LRRC4C: variants seen among roughly 807,000 people sequenced by gnomAD.
LRRC4C encodes the protein leucine rich repeat containing 4C, also known as leucine-rich repeat-containing protein 4C.
A neutral mutation model predicts 33.6 loss-of-function variants in LRRC4C; 5 were observed. The ratio of observed to expected loss-of-function variants is 0.15; its 90% CI spans 0.08 to 0.31. The LOEUF is 0.31. Ranked by LOEUF, LRRC4C falls within the 10% of genes least tolerant of loss-of-function variation. LRRC4C has a pLI of 1.00. For missense variants in LRRC4C, 560 were observed against 796.7 expected, an observed-to-expected ratio of 0.70 and a Z score of 3.58; for synonymous variants, 329 against 302.0, an observed-to-expected ratio of 1.09 and a Z score of -0.93.
chr11:40,877,288 A>C (rs987000026), intron 2 of LRRC4C, among the ~76,000 whole-genome samples: 1 of 152,152 alleles, frequency 6.6e-6, no homozygotes, highest in Non-Finnish European at 1.5e-5. Flanking sequence ...TGACCAATTC[A>C]GTTTTCCCGA....
At chr11:41,275,323 T>C (rs775217977) in intron 1 of LRRC4C, among the ~76,000 whole-genome samples, 1 of 152,192 alleles carries the variant, frequency 6.6e-6, no homozygotes, top group African/African-American at 2.4e-5. Flanking sequence ...ACGAAGATGA[T>C]GCCCAGATTT....
chr11:41,078,690 T>G (rs932540328), intron 1 of LRRC4C, among the ~76,000 whole-genome samples: 2 of 152,232 alleles, frequency 1.3e-5, no homozygotes, highest in African/African-American at 4.8e-5. Flanking sequence ...GCACCTCTTC[T>G]GACACATGGG....
chr11:41,246,452 TGA>T (rs1415531186), intron 1 of LRRC4C, among the ~76,000 whole-genome samples: 1 of 152,282 alleles, frequency 6.6e-6, no homozygotes, highest in East Asian at 1.9e-4. Flanking sequence ...CCTTGGCCCC[TGA>T]GAGTGCAGAG....
At chr11:40,287,782 G>A (rs796763963) in intron 4 of LRRC4C, among the ~76,000 whole-genome samples, 1 of 152,154 alleles carries the variant, frequency 6.6e-6, no homozygotes, top group African/African-American at 2.4e-5. Flanking sequence ...AATTCACAAA[G>A]TATATTTCAA....
intron 1 of LRRC4C, among the ~76,000 whole-genome samples, chr11:41,041,923 T>C (rs1311607643): frequency 6.6e-6 from 1 of 152,184 alleles, no homozygotes; most frequent in Non-Finnish European, 1.5e-5. Context: ...TTTGTGGATC[T>C]GATTTGTTGG....
chr11:40,797,562 T>C (rs892556726), intron 2 of LRRC4C, among the ~76,000 whole-genome samples: 1 of 152,154 alleles, frequency 6.6e-6, no homozygotes, highest in African/African-American at 2.4e-5. Context: ...ACTACAGTGA[T>C]AACTTTTATG....
At chr11:40,657,353 T>G (rs2136188562) in intron 2 of LRRC4C, among the ~76,000 whole-genome samples, 1 of 152,322 alleles carries the variant, frequency 6.6e-6, no homozygotes, top group Middle Eastern at 3.4e-3. Flanking sequence ...TGTGAATATG[T>G]GCTACACTGT....
At chr11:41,065,727 A>T (rs1323768343) in intron 1 of LRRC4C, among the ~76,000 whole-genome samples, 1 of 152,184 alleles carries the variant, frequency 6.6e-6, no homozygotes. Flanking sequence ...AGCAGGTAGC[A>T]ATCTTTGCTG....
At chr11:40,837,847 G>GA (rs552415499) in intron 2 of LRRC4C, among the ~76,000 whole-genome samples, 2,343 of 144,406 alleles carry the variant, frequency 0.016, 78 homozygotes, top group African/African-American at 0.057. Flanking sequence ...TCCCATCTCA[G>GA]AAAAAAAAAA....
At chr11:40,346,828 A>G (rs1947156496) in intron 3 of LRRC4C, among the ~76,000 whole-genome samples, 1 of 152,238 alleles carries the variant, frequency 6.6e-6, no homozygotes, top group South Asian at 2.1e-4. Context: ...TTTCCTGAGC[A>G]GATTTCAACA....
intron 3 of LRRC4C, among the ~76,000 whole-genome samples, chr11:40,443,980 T>C (rs1352669192): frequency 6.6e-6 from 1 of 152,242 alleles, no homozygotes; most frequent in East Asian, 1.9e-4. Context: ...AGTTAGTTTA[T>C]TTTCAGCTGA....
At chr11:40,169,823 A>G (rs1220709383) in intron 5 of LRRC4C, among the ~76,000 whole-genome samples, 1 of 152,210 alleles carries the variant, frequency 6.6e-6, no homozygotes, top group Non-Finnish European at 1.5e-5. Context: ...TCTTATTAGC[A>G]CTAATTATAT....
intron 2 of LRRC4C, among the ~76,000 whole-genome samples, chr11:40,913,919 C>G (rs1956815960): frequency 6.6e-6 from 1 of 152,142 alleles, no homozygotes; most frequent in African/African-American, 2.4e-5. Flanking sequence ...ACTATAAACA[C>G]CTCTATGCAA....
At chr11:40,827,898 G>A (rs1952235106) in intron 2 of LRRC4C, among the ~76,000 whole-genome samples, 1 of 151,582 alleles carries the variant, frequency 6.6e-6, no homozygotes, top group Non-Finnish European at 1.5e-5. Flanking sequence ...CTGAGAAAGA[G>A]GCATGATCTT....
intron 1 of LRRC4C, among the ~76,000 whole-genome samples, chr11:40,974,132 G>C (rs1187929715): frequency 6.6e-6 from 1 of 152,064 alleles, no homozygotes; most frequent in Non-Finnish European, 1.5e-5. Context: ...ATCCCATATA[G>C]GAAGTATTAC....
At chr11:40,256,194 T>C (rs1428970725) in intron 4 of LRRC4C, among the ~76,000 whole-genome samples, 1 of 152,196 alleles carries the variant, frequency 6.6e-6, no homozygotes, top group Non-Finnish European at 1.5e-5. Context: ...AAATATTTGA[T>C]TGGAGTAGAA....
At chr11:40,907,684 C>T (rs1250107709) in intron 2 of LRRC4C, among the ~76,000 whole-genome samples, 2 of 152,254 alleles carry the variant, frequency 1.3e-5, no homozygotes, top group African/African-American at 4.8e-5. Flanking sequence ...TTCCTTGTAT[C>T]CTGAGTTTCA....
At chr11:40,623,903 CAAATT>C (rs1238198566) in intron 3 of LRRC4C, among the ~76,000 whole-genome samples, 1 of 152,036 alleles carries the variant, frequency 6.6e-6, no homozygotes, top group African/African-American at 2.4e-5. Flanking sequence ...TAAAAACTCA[CAAATT>C]AAAACAATGC....
chr11:40,153,111 C>G (rs1023179159), intron 5 of LRRC4C, among the ~76,000 whole-genome samples: 1 of 152,202 alleles, frequency 6.6e-6, no homozygotes, highest in African/African-American at 2.4e-5. Context: ...GTTCACATCA[C>G]AGGACTTTGT....
Sources: allele counts gnomAD v4.1 joint callset (sites outside exome capture counted in the v4.1 genomes callset), GRCh38; gene constraint gnomAD v4.1.1; transcripts MANE v1.5; gene names NCBI Gene and HGNC (gene_info 2026-07-23, HGNC 2026-07-21).